Variants in SMYD1 observed in about 807,000 individuals in gnomAD.
SMYD1 encodes SET and MYND domain containing 1.
In SMYD1, 49 loss-of-function variants were observed where a neutral mutation model predicts 54.0. That is an observed-to-expected ratio of 0.91 (90% CI 0.72 to 1.15). The LOEUF is 1.15. Among genes scored for constraint, SMYD1 ranks in the 50% most tolerant of loss-of-function variants. SMYD1 has a pLI of 0.00. For synonymous variants in SMYD1, 269 were observed against 234.2 expected, an observed-to-expected ratio of 1.15 and a Z score of -1.36; for missense variants, 653 against 639.6, an observed-to-expected ratio of 1.02 and a Z score of -0.23.
intron 1 of SMYD1, among the ~76,000 whole-genome samples, chr2:88,068,645 C>CT (rs1367676189): frequency 6.8e-6 from 1 of 147,046 alleles, no homozygotes; most frequent in Non-Finnish European, 1.5e-5. Context: ...TGGTGTCATA[C>CT]TTCAGATGTC....
In SMYD1 at chr2:88,088,061, C is replaced by A; in HGVS notation, c.514C>A (p.His172Asn). Residue 172 changes from histidine (H) to asparagine (N), a missense_variant, in exon 3 of 10, where the codon CAC (histidine) becomes AAC (asparagine). Physicochemically the swap from His to Asn is moderately conservative, Grantham distance 68. Coordinates refer to ENST00000419482, the MANE Select transcript of SMYD1 (RefSeq NM_198274.4). ...SQQFSMQYIS[H>N]IFGVINCNGF... ...GCAGTTCAGCATGCAGTACATCTCG[C>A]ACATCTTCGGAGTGGTAGGCCCCCT... is the stretch of plus-strand genomic sequence containing the variant. The A allele has an allele frequency of 6.2e-7, 1 of 1,613,652 alleles. No individual in the cohort carries two copies. Among genetic ancestry groups the A allele is most frequent in the Non-Finnish European group, 8.5e-7 (1 of 1,179,750 alleles).
At chr2:88,072,003 GA>G (rs36012666) in intron 1 of SMYD1, among the ~76,000 whole-genome samples, 21,025 of 147,394 alleles carry the variant, frequency 0.14, 2,255 homozygotes, top group East Asian at 0.45. Context: ...TTAACATTTG[GA>G]AAAAAAAAAA....
chr2:88,090,200 T>C (rs895081864), intron 3 of SMYD1, among the ~76,000 whole-genome samples: 5 of 152,250 alleles, frequency 3.3e-5, no homozygotes, highest in Non-Finnish European at 7.3e-5. Context: ...CACTCCTCCA[T>C]ATCTATGACA....
intron 2 of SMYD1, among the ~76,000 whole-genome samples, chr2:88,086,709 C>T (rs537587689): frequency 3.9e-5 from 6 of 152,112 alleles, no homozygotes; most frequent in Non-Finnish European, 7.4e-5. Flanking sequence ...CTTATGATTG[C>T]CAAAAATAAA....
At chr2:88,093,979 C>T (rs1327570230) in intron 5 of SMYD1, among the ~76,000 whole-genome samples, 1 of 152,208 alleles carries the variant, frequency 6.6e-6, no homozygotes, top group African/African-American at 2.4e-5. Context: ...GCATCTATAA[C>T]TGATATTTTT....
At chr2:88,093,620 G>T in intron 5 of SMYD1, 65 bp downstream of exon 5, 1 of 1,584,246 alleles carries the variant, frequency 6.3e-7, no homozygotes, top group Non-Finnish European at 8.7e-7. Flanking sequence ...CTGGTTTGCT[G>T]GGGCCACCCA....
chr2:88,089,588 T>C (rs1314199519), intron 3 of SMYD1, among the ~76,000 whole-genome samples: 15 of 140,194 alleles, frequency 1.1e-4, no homozygotes, highest in African/African-American at 3.8e-4. Context: ...TCTACCTGTT[T>C]TTTTTTTTTT....
At chr2:88,084,528 C>A in intron 2 of SMYD1, 36 bp downstream of exon 2, 1 of 1,534,854 alleles carries the variant, frequency 6.5e-7, no homozygotes, top group Non-Finnish European at 8.9e-7. Flanking sequence ...CTTCAGATTT[C>A]CAAATGTCAG....
At chr2:88,087,587 C>T (rs933080518) in intron 2 of SMYD1, among the ~76,000 whole-genome samples, 3 of 152,208 alleles carry the variant, frequency 2.0e-5, no homozygotes, top group Non-Finnish European at 4.4e-5. Context: ...CTCTGTGACA[C>T]TTCCCTGGAA....
intron 9 of SMYD1, 97 bp from the exon 10 acceptor site, chr2:88,110,257 T>A: frequency 7.5e-7 from 1 of 1,333,804 alleles, no homozygotes; most frequent in Non-Finnish European, 1.0e-6. Flanking sequence ...TAGAGTTGAA[T>A]CTCCGTGGCT....
In SMYD1 at chr2:88,111,310, G is replaced by C. The variant is rs1448217879; in HGVS notation, c.*798G>C. On this transcript the variant is annotated 3_prime_UTR_variant, in exon 10 of 10. Coordinates refer to ENST00000419482, the MANE Select transcript of SMYD1 (RefSeq NM_198274.4). ...TCTATCACCCTTATTACCAAGCCTT[G>C]TGGTTCCCTGTGATTTTAGATAATG... 6.6e-6 allele frequency: 1 copy of C among 152,216 alleles called. No individual in the cohort carries two copies. The highest frequency in any genetic ancestry group is 6.5e-5 in the Admixed American group (1 of 15,280). The allele number at this position is 152,216 out of a possible 1,614,324, so 9.4% of individuals were successfully genotyped here.
intron 1 of SMYD1, among the ~76,000 whole-genome samples, chr2:88,069,417 T>C (rs550360891): frequency 6.6e-6 from 1 of 152,300 alleles, no homozygotes; most frequent in South Asian, 2.1e-4. Context: ...GAGCTTGTCT[T>C]ATTTCATTAA....
Position 88,111,819 on chromosome 2 carries a change from G to C in SMYD1, c.*1307G>C, listed in dbSNP as rs1468815998. 2.5e-6 allele frequency: 1 copy of C among 405,236 alleles called. No individual in the cohort carries two copies. Among genetic ancestry groups the C allele is most frequent in the East Asian group, 3.8e-5 (1 of 26,148 alleles). 25.1% of individuals were successfully genotyped at this position (405,236 alleles called of 1,614,324 possible). A position where few individuals can be genotyped will look rare whatever the true frequency, so the allele number is the denominator to read the frequency against. On this transcript the variant is annotated 3_prime_UTR_variant, in exon 10 of 10. Coordinates refer to ENST00000419482, the MANE Select transcript of SMYD1 (RefSeq NM_198274.4). ...CTCACCAATGTTTTGGGAGATCCTGGAAAAGATCCCTTCAGTTTGGGGTGT... is the reference window on the plus strand; with the variant it reads ...CTCACCAATGTTTTGGGAGATCCTGCAAAAGATCCCTTCAGTTTGGGGTGT...
Position 88,088,034 on chromosome 2 carries a change from C to G in SMYD1, c.487C>G (p.Gln163Glu), listed in dbSNP as rs1235981494. 2 of 1,614,176 alleles carry G rather than the reference C, an allele frequency of 1.2e-6. No individual in the cohort carries two copies. The change falls in exon 3 of 10, where the codon CAG becomes GAG. Residue 163 changes from glutamine (Q) to glutamate (E), a missense_variant. Transcript: ENST00000419482. The stretch of plus-strand genomic sequence containing the variant: ...CTTGCAGTACTGGCCGCCGCAGAGC[C>G]AGCAGTTCAGCATGCAGTACATCTC... Reference protein sequence around the residue: ...TFLQYWPPQSQQFSMQYISHI... With the variant: ...TFLQYWPPQSEQFSMQYISHI...
At chr2:88,071,501 A>T (rs1172969519) in intron 1 of SMYD1, among the ~76,000 whole-genome samples, 1 of 152,106 alleles carries the variant, frequency 6.6e-6, no homozygotes, top group African/African-American at 2.4e-5. Flanking sequence ...AGCTGGGAAA[A>T]TTCTTTCAGG....
chr2:88,096,874 C>T, intron 6 of SMYD1, 90 bp downstream of exon 6: 1 of 1,311,738 alleles, frequency 7.6e-7, no homozygotes, highest in Non-Finnish European at 1.0e-6. Flanking sequence ...TGTGCCCTGC[C>T]CATGAGCTTC....
In SMYD1 at chr2:88,068,773, TC is replaced by T. The variant is rs542616225; in HGVS notation, c.137+774del. On this transcript the variant is annotated intron_variant, in intron 1 of 9. Transcript: ENST00000419482. ...AAGATCTATTTCCTTTATAGAGCTA[TC>T]CATATAGATTCATATGCCATATGAA... Among the ~76,000 whole-genome samples the T allele has an allele frequency of 1.2e-3, 185 of 152,324 alleles. 1 individual carries two copies. The highest frequency in any genetic ancestry group is 4.2e-3 in the African/African-American group (174 of 41,584).
At chr2:88,097,409 G>A (rs1380136088) in intron 6 of SMYD1, among the ~76,000 whole-genome samples, 1 of 152,154 alleles carries the variant, frequency 6.6e-6, no homozygotes, top group East Asian at 1.9e-4. Flanking sequence ...TGTCAGAGTA[G>A]CCAGTTAAAG....
chr2:88,078,649 T>G (rs1296163158), intron 1 of SMYD1, among the ~76,000 whole-genome samples: 2 of 152,228 alleles, frequency 1.3e-5, no homozygotes, highest in Non-Finnish European at 2.9e-5. Flanking sequence ...TACTCAAAGT[T>G]GAAGCATCAG....
Sources: gnomAD v4.1 joint callset for allele counts (sites outside exome capture counted in the v4.1 genomes callset) on GRCh38, gnomAD v4.1.1 for gene constraint, MANE v1.5 for transcripts, NCBI Gene and HGNC (gene_info 2026-07-23, HGNC 2026-07-21) for gene names.